Variants in HEATR5A observed in about 807,000 individuals in gnomAD.
HEATR5A encodes HEAT repeat containing 5A.
Under a neutral mutation model 218.8 loss-of-function variants are expected in HEATR5A, and 178 were observed. The observed-to-expected ratio is 0.81, with a 90% CI of 0.72 to 0.92. The LOEUF (loss-of-function observed/expected upper bound fraction) is 0.92, where lower values mean the gene tolerates loss of function less well. Among genes scored for constraint, HEATR5A ranks in the 40% least tolerant of loss-of-function variants. The probability of loss-of-function intolerance (pLI) is 0.00; values close to 1 mark genes in which losing one functional copy is unlikely to be tolerated. For missense variants in HEATR5A, 2,420 were observed against 2,418.9 expected (o/e 1.00, Z -0.01); for synonymous variants, 864 against 871.6 (o/e 0.99, Z 0.15).
intron 27 of HEATR5A, among the ~76,000 whole-genome samples, chr14:31,314,911 G>A (rs955098918): frequency 1.3e-5 from 2 of 152,144 alleles, no homozygotes; most frequent in Non-Finnish European, 2.9e-5. Context: ...GGTGGCTCAT[G>A]CTTGTGATCC....
chr14:31,363,699 G>C (rs185481586), intron 14 of HEATR5A, among the ~76,000 whole-genome samples: 47 of 152,240 alleles, frequency 3.1e-4, no homozygotes, highest in Non-Finnish European at 1.5e-5. Context: ...AAGTATTTTA[G>C]GCTGGGCTCA....
intron 23 of HEATR5A, among the ~76,000 whole-genome samples, chr14:31,324,947 G>T (rs1025432704): frequency 5.3e-5 from 8 of 152,196 alleles, no homozygotes; most frequent in African/African-American, 1.7e-4. Context: ...GGAATTTGGT[G>T]TTAACTTTTC....
chr14:31,417,471 G>A (rs144043899), intron 1 of HEATR5A, among the ~76,000 whole-genome samples: 13,434 of 152,228 alleles, frequency 0.088, 679 homozygotes, highest in East Asian at 0.16. Context: ...TGTAATCCCA[G>A]CTACTCGGGA....
chr14:31,343,941 A>G lies in HEATR5A; in HGVS notation c.3183T>C (p.Phe1061=), dbSNP rs1339660996. 8 of 1,611,528 alleles carry G rather than the reference A, an allele frequency of 5.0e-6. No individual in the cohort carries two copies. Among genetic ancestry groups the G allele is most frequent in the South Asian group, 1.1e-5 (1 of 90,592 alleles). Residue 1061 remains phenylalanine, a synonymous_variant, in exon 21 of 36, where the codon TTT becomes TTC. Coordinates refer to ENST00000543095, the MANE Select transcript of HEATR5A (RefSeq NM_015473.4). ...AISCLQQLHM[F]APRHVNLSSL... is the part of the protein sequence containing the mutation. ...TAGACAAGTTGACATGTCGTGGAGC[A>G]AACATATGAAGCTGCTGAAGGCAAG...
Position 31,380,555 on chromosome 14 carries a change from A to C in HEATR5A, c.1620T>G (p.Asp540Glu). ...KGKIIMTLAE[D>E]LLCSAAQNSR... ...TGTTTTGAGCAGCAGAACACAGCAA[A>C]TCCTCTGCTAATGTCATAATAATCT... The change falls in exon 11 of 36, where the codon GAT (aspartate) becomes GAG (glutamate). Residue 540 changes from aspartate (D) to glutamate (E), a missense_variant. By Grantham distance (45) the Asp-to-Glu change is conservative. Transcript: ENST00000543095. The C allele has an allele frequency of 6.2e-7, 1 of 1,600,830 alleles. No homozygotes were observed. Among genetic ancestry groups the C allele is most frequent in the Non-Finnish European group, 8.5e-7 (1 of 1,173,132 alleles).
chr14:31,332,051 AGAT>A (rs1900490769), intron 22 of HEATR5A, among the ~76,000 whole-genome samples: 1 of 152,226 alleles, frequency 6.6e-6, no homozygotes, highest in Non-Finnish European at 1.5e-5. Flanking sequence ...GCCTGCTTTA[AGAT>A]GATTTGGCAA....
intron 10 of HEATR5A, among the ~76,000 whole-genome samples, chr14:31,383,028 A>AATCTGGGCACTAGGGGT (rs1217697988): frequency 1.3e-5 from 2 of 151,958 alleles, no homozygotes; most frequent in Non-Finnish European, 2.9e-5. Context: ...TTAGAGCTAT[A>AATCTGGGCACTAGGGGT]ATCTGGGCAC....
chr14:31,308,885 A>C (rs762954502), intron 29 of HEATR5A, 49 bp downstream of exon 29: 23 of 1,515,736 alleles, frequency 1.5e-5, no homozygotes, highest in African/African-American at 1.4e-4. Flanking sequence ...AAAAAAAAAA[A>C]AACAAAAAAC....
intron 6 of HEATR5A, 87 bp downstream of exon 6, chr14:31,393,965 G>T: frequency 2.3e-6 from 2 of 884,908 alleles, no homozygotes; most frequent in South Asian, 1.9e-5. Flanking sequence ...GATTTATAAC[G>T]GGTAGCAATA....
chr14:31,306,464 C>A (rs1382057178), intron 31 of HEATR5A, among the ~76,000 whole-genome samples: 3 of 151,998 alleles, frequency 2.0e-5, no homozygotes, highest in Admixed American at 1.3e-4. Context: ...GCTTGGGCAA[C>A]TGGAGTGAGA....
intron 14 of HEATR5A, among the ~76,000 whole-genome samples, chr14:31,359,957 C>A (rs961257968): frequency 6.6e-6 from 1 of 151,708 alleles, no homozygotes; most frequent in Middle Eastern, 3.4e-3. Context: ...CCCTAGGCAG[C>A]ACATCATTTC....
At chr14:31,399,687 C>T (rs369768088) in intron 3 of HEATR5A, among the ~76,000 whole-genome samples, 31 of 151,960 alleles carry the variant, frequency 2.0e-4, no homozygotes, top group East Asian at 5.8e-4. Context: ...AAAATTAGCT[C>T]GAAGTGGTGC....
chr14:31,338,026 G>A (rs889285857), intron 21 of HEATR5A, among the ~76,000 whole-genome samples: 2 of 152,064 alleles, frequency 1.3e-5, no homozygotes, highest in Admixed American at 6.6e-5. Flanking sequence ...ATCCATATAG[G>A]CAATACAGCA....
At chr14:31,303,389 C>T (rs1382669175) in intron 32 of HEATR5A, among the ~76,000 whole-genome samples, 6 of 151,976 alleles carry the variant, frequency 3.9e-5, no homozygotes, top group East Asian at 1.9e-4. Flanking sequence ...GCTGAGATCG[C>T]GCCACTGCAC....
At chr14:31,408,129 C>T (rs1051707515) in intron 1 of HEATR5A, among the ~76,000 whole-genome samples, 1 of 152,172 alleles carries the variant, frequency 6.6e-6, no homozygotes, top group African/African-American at 2.4e-5. Flanking sequence ...CTCCTAGTTA[C>T]TCAGTCATCA....
rs1899614564 is a variant in HEATR5A at position 31,308,100 on chromosome 14, G to C, written c.4691-80C>G. On this transcript the variant is annotated intron_variant, in intron 29 of 35. Transcript: ENST00000543095. ...ATTAAGTAATTAATCTTATATTTTGGTAAGATATATAAACAAACAGTAAAA... is the reference window on the plus strand; with the variant it reads ...ATTAAGTAATTAATCTTATATTTTGCTAAGATATATAAACAAACAGTAAAA... 3.0e-6 allele frequency: 4 copies of C among 1,312,692 alleles called. No homozygotes were observed. The South Asian group carries it at 6.0e-5, about 20-fold the overall frequency. The allele number at this position is 1,312,692 out of a possible 1,614,324, so 81.3% of individuals were successfully genotyped here.
At chr14:31,366,455 T>G (rs1328602867) in intron 13 of HEATR5A, among the ~76,000 whole-genome samples, 3 of 152,200 alleles carry the variant, frequency 2.0e-5, no homozygotes, top group African/African-American at 7.2e-5. Flanking sequence ...CCTGCAACGT[T>G]CACTTATTTT....
rs749397331 is a variant in HEATR5A at position 31,388,855 on chromosome 14, C to T, written c.923G>A (p.Gly308Glu). The T allele has an allele frequency of 1.2e-6, 2 of 1,613,726 alleles. No individual in the cohort carries two copies. Among genetic ancestry groups the T allele is most frequent in the Non-Finnish European group, 1.7e-6 (2 of 1,179,736 alleles). Reference sequence around the variant, plus strand: ...ATTTGTGATTCCAACCTGAGTAACTCCAACTCGAACATCCCTACTGACTGA... The same window carrying T: ...ATTTGTGATTCCAACCTGAGTAACTTCAACTCGAACATCCCTACTGACTGA... ...TSSVSRDVRV[G>E]VTQAYVVFVS... The change falls in exon 7 of 36, where the codon GGA (glycine) becomes GAA (glutamate). Residue 308 changes from glycine to glutamate, a missense_variant. Coordinates refer to ENST00000543095, the MANE Select transcript of HEATR5A (RefSeq NM_015473.4).
At chr14:31,407,127 C>CA (rs1424950415) in intron 1 of HEATR5A, among the ~76,000 whole-genome samples, 1 of 139,870 alleles carries the variant, frequency 7.1e-6, no homozygotes, top group African/African-American at 2.5e-5. Context: ...CCCATCTCTA[C>CA]AAAAAATAAA....
Sources: gnomAD v4.1 joint callset for allele counts (sites outside exome capture counted in the v4.1 genomes callset) on GRCh38, gnomAD v4.1.1 for gene constraint, MANE v1.5 for transcripts, NCBI Gene and HGNC (gene_info 2026-07-23, HGNC 2026-07-21) for gene names.